The following DOCK1 variants were observed in gnomAD, a reference collection of about 807,000 sequenced individuals.
The protein encoded by DOCK1 is dedicator of cytokinesis protein 1.
DOCK1 carries 138 observed loss-of-function variants against 262.7 expected under a neutral mutation model. The observed-to-expected ratio is 0.53, with a 90% CI of 0.46 to 0.61. The LOEUF (loss-of-function observed/expected upper bound fraction) is 0.61. Ranked by LOEUF, DOCK1 falls within the 20% of genes least tolerant of loss-of-function variation. The pLI, the probability that DOCK1 is intolerant of heterozygous loss-of-function variation, is 0.00. For missense variants in DOCK1, 1,908 were observed against 2,370.7 expected (o/e 0.80, Z 4.05); for synonymous variants, 866 against 867.4 (o/e 1.00, Z 0.03).
intron 18 of DOCK1, among the ~76,000 whole-genome samples, chr10:127,033,046 T>C (rs1027481233): frequency 3.3e-5 from 5 of 152,224 alleles, no homozygotes; most frequent in African/African-American, 1.2e-4. Flanking sequence ...TTCTGGGTCT[T>C]ATCTTCCTTG....
rs529451829 is a variant in DOCK1 at position 127,098,573 on chromosome 10, A to C, written c.2446-7658A>C. ...CCTGTTGATCACCACTGTTTTGCCC[A>C]TGAGAAGCCCGATAGGAAATGCTAC... On this transcript the variant is annotated intron_variant, in intron 23 of 51. Coordinates refer to ENST00000623213, the MANE Select transcript of DOCK1 (RefSeq NM_001290223.2). Among the ~76,000 whole-genome samples, 161 of 152,248 alleles carry C rather than the reference A, an allele frequency of 1.1e-3. 1 individual carries two copies. The highest frequency in any genetic ancestry group is 3.6e-3 in the African/African-American group (151 of 41,562).
intron 23 of DOCK1, among the ~76,000 whole-genome samples, chr10:127,092,580 A>T (rs1275312402): frequency 2.0e-5 from 3 of 151,718 alleles, no homozygotes; most frequent in Non-Finnish European, 4.4e-5. Flanking sequence ...GAGACTGAGG[A>T]TCGAGCAGTT....
intron 1 of DOCK1, among the ~76,000 whole-genome samples, chr10:126,908,296 T>C (rs2031242171): frequency 6.6e-6 from 1 of 152,176 alleles, no homozygotes; most frequent in Non-Finnish European, 1.5e-5. Context: ...GATTGGCTGT[T>C]TCCACCTAAG....
At chr10:127,197,012 G>C (rs1466203294) in intron 27 of DOCK1, among the ~76,000 whole-genome samples, 1 of 152,146 alleles carries the variant, frequency 6.6e-6, no homozygotes, top group Non-Finnish European at 1.5e-5. Flanking sequence ...TGAAGGGTGC[G>C]TGTCTTGTAG....
intron 27 of DOCK1, among the ~76,000 whole-genome samples, chr10:127,247,364 G>T (rs963760787): frequency 2.0e-5 from 3 of 152,012 alleles, no homozygotes; most frequent in African/African-American, 7.2e-5. Flanking sequence ...TCGGGGAGGA[G>T]AATTGGGCCA....
intron 10 of DOCK1, among the ~76,000 whole-genome samples, chr10:127,003,783 C>T (rs1435434304): frequency 1.3e-5 from 2 of 151,848 alleles, no homozygotes; most frequent in African/African-American, 4.8e-5. Flanking sequence ...GTAAAACCTC[C>T]TATCTACGAA....
intron 27 of DOCK1, among the ~76,000 whole-genome samples, chr10:127,140,463 C>T (rs962042435): frequency 6.6e-6 from 1 of 152,188 alleles, no homozygotes; most frequent in East Asian, 1.9e-4. Flanking sequence ...GCCCATCTCC[C>T]CATCTGTCAC....
intron 51 of DOCK1, among the ~76,000 whole-genome samples, chr10:127,448,688 T>C (rs2070754490): frequency 6.6e-6 from 1 of 151,952 alleles, no homozygotes; most frequent in African/African-American, 2.4e-5. Flanking sequence ...GCTGGCCGTA[T>C]TTTTTTTGCT....
At chr10:127,088,911 G>A (rs575700404) in intron 23 of DOCK1, among the ~76,000 whole-genome samples, 1 of 152,146 alleles carries the variant, frequency 6.6e-6, no homozygotes, top group East Asian at 1.9e-4. Flanking sequence ...CTGGTGATAC[G>A]GCCCCACCGC....
At chr10:127,159,303 A>G (rs2053378886) in intron 27 of DOCK1, among the ~76,000 whole-genome samples, 1 of 152,142 alleles carries the variant, frequency 6.6e-6, no homozygotes, top group African/African-American at 2.4e-5. Context: ...GTGGAGCTCT[A>G]GTCAGGGCTA....
chr10:127,273,064 A>T lies in DOCK1; in HGVS notation c.3044+15635A>T, dbSNP rs556474105. On this transcript the variant is annotated intron_variant, in intron 29 of 51. Transcript: ENST00000623213. ...GTGGGGACACAGCCAAACCATATCAACCACCTTTCCTCTTCTGTTCTGTGG... is the reference window on the plus strand; with the variant it reads ...GTGGGGACACAGCCAAACCATATCATCCACCTTTCCTCTTCTGTTCTGTGG... Among the ~76,000 whole-genome samples the T allele has an allele frequency of 4.7e-4, 72 of 152,326 alleles. 1 individual carries two copies. The highest frequency in any genetic ancestry group is 3.9e-3 in the Admixed American group (59 of 15,300).
At chr10:126,989,001 A>G (rs1371664159) in intron 5 of DOCK1, among the ~76,000 whole-genome samples, 3 of 150,926 alleles carry the variant, frequency 2.0e-5, no homozygotes, top group Non-Finnish European at 4.4e-5. Context: ...TGATCCTGGA[A>G]GGCGGAGGTT....
intron 23 of DOCK1, among the ~76,000 whole-genome samples, chr10:127,067,680 T>C (rs1033029276): frequency 6.6e-6 from 1 of 152,116 alleles, no homozygotes; most frequent in Admixed American, 6.6e-5. Flanking sequence ...AAAAAATTGC[T>C]GGTTGACAGG....
intron 1 of DOCK1, among the ~76,000 whole-genome samples, chr10:126,967,132 C>G (rs1376874121): frequency 6.6e-6 from 1 of 152,118 alleles, no homozygotes; most frequent in Non-Finnish European, 1.5e-5. Flanking sequence ...AAAATTGAAG[C>G]AAAACTGAGC....
Position 127,050,060 on chromosome 10 carries a change from A to T in DOCK1, c.2202-2621A>T, listed in dbSNP as rs186506250. On this transcript the variant is annotated intron_variant, in intron 21 of 51. Transcript: ENST00000623213. ...GTGCAGTATTTCATTGTAGGGATGTATTACCATTTATTGAACCGGCTCTCA... is the reference window on the plus strand; with the variant it reads ...GTGCAGTATTTCATTGTAGGGATGTTTTACCATTTATTGAACCGGCTCTCA... 1.1e-3 allele frequency among the ~76,000 whole-genome samples: 146 copies of T among 134,688 alleles called. 1 individual carries two copies. The highest frequency in any genetic ancestry group is 1.7e-3 in the Non-Finnish European group (114 of 65,706). The allele number at this position is 134,688 out of a possible 152,430, so 88.4% of individuals were successfully genotyped here. A position where few individuals can be genotyped will look rare whatever the true frequency, so the allele number is the denominator to read the frequency against.
intron 27 of DOCK1, among the ~76,000 whole-genome samples, chr10:127,244,007 T>G (rs906050474): frequency 5.9e-5 from 9 of 152,198 alleles, no homozygotes; most frequent in African/African-American, 2.2e-4. Flanking sequence ...TCTTCAATTA[T>G]TTTCTCATGC....
intron 27 of DOCK1, chr10:127,146,198 C>T (rs1308722921): frequency 3.2e-6 from 1 of 310,498 alleles, no homozygotes; most frequent in Non-Finnish European, 6.3e-6. Flanking sequence ...TAACTTTGAC[C>T]TTGGGGTATA....
At chr10:127,341,593 G>C (rs2063428054) in intron 30 of DOCK1, among the ~76,000 whole-genome samples, 1 of 152,022 alleles carries the variant, frequency 6.6e-6, no homozygotes, top group Admixed American at 6.6e-5. Context: ...TTTTTTCTAG[G>C]TCAGGTCTCA....
intron 24 of DOCK1, among the ~76,000 whole-genome samples, chr10:127,109,191 C>T (rs1396089999): frequency 6.6e-6 from 1 of 152,100 alleles, no homozygotes; most frequent in African/African-American, 2.4e-5. Context: ...TACCAGTATA[C>T]GTTGGTGTCT....
Sources: allele counts gnomAD v4.1 joint callset (sites outside exome capture counted in the v4.1 genomes callset), GRCh38; gene constraint gnomAD v4.1.1; transcripts MANE v1.5; gene names NCBI Gene and HGNC (gene_info 2026-07-23, HGNC 2026-07-21).